Variants in CRK observed in about 807,000 individuals in gnomAD.
The protein encoded by CRK is CRK proto-oncogene, adaptor protein, also known as adapter molecule crk.
Under a neutral mutation model 29.8 loss-of-function variants are expected in CRK, and 4 were observed. The observed-to-expected ratio is 0.13, with a 90% confidence interval of 0.07 to 0.31. The LOEUF is 0.31. Ranked by LOEUF, CRK falls within the 10% of genes least tolerant of loss-of-function variation. The pLI is 1.00. For synonymous variants in CRK, 153 were observed against 164.9 expected, an observed-to-expected ratio of 0.93 and a Z score of 0.55; for missense variants, 274 against 396.5, an observed-to-expected ratio of 0.69 and a Z score of 2.62.
intron 1 of CRK, among the ~76,000 whole-genome samples, chr17:1,449,592 C>T (rs2074002589): frequency 2.0e-5 from 3 of 152,262 alleles, no homozygotes; most frequent in Admixed American, 2.0e-4. Context: ...TAAGGCCCAA[C>T]CCAGGATCCA....
chr17:1,427,912 C>T (rs1002831205), intron 2 of CRK, among the ~76,000 whole-genome samples: 5 of 151,668 alleles, frequency 3.3e-5, no homozygotes, highest in Non-Finnish European at 7.4e-5. Context: ...GAATTACAGG[C>T]ATCAGCCACC....
intron 1 of CRK, among the ~76,000 whole-genome samples, chr17:1,439,461 G>A (rs990914344): frequency 6.6e-6 from 1 of 152,092 alleles, no homozygotes; most frequent in Non-Finnish European, 1.5e-5. Context: ...ACCCAAAACA[G>A]CAAACTATTT....
Position 1,423,345 on chromosome 17 carries a change from G to GT in CRK, c.*167dup. 1 of 837,584 alleles carries GT rather than the reference G, an allele frequency of 1.2e-6. No individual in the cohort carries two copies. Among genetic ancestry groups the GT allele is most frequent in the Non-Finnish European group, 1.8e-6 (1 of 559,328 alleles). 51.9% of individuals were successfully genotyped at this position (837,584 alleles called of 1,614,324 possible). A position where few individuals can be genotyped will look rare whatever the true frequency, so the allele number is the denominator to read the frequency against. ...CCCTCCAGTTCGTACCCTGAATATG[G>GT]TAATTAAGACTAGGAATGGAGCAGT... On this transcript the variant is annotated 3_prime_UTR_variant, in exon 3 of 3. Coordinates refer to ENST00000300574, the MANE Select transcript of CRK (RefSeq NM_016823.4).
intron 2 of CRK, among the ~76,000 whole-genome samples, chr17:1,425,996 C>T (rs1304199948): frequency 6.6e-6 from 1 of 152,042 alleles, no homozygotes; most frequent in Non-Finnish European, 1.5e-5. Context: ...TTGAGAGCAG[C>T]CCTGGCAAAA....
intron 1 of CRK, among the ~76,000 whole-genome samples, chr17:1,439,280 A>C (rs1349951152): frequency 1.3e-5 from 2 of 151,888 alleles, no homozygotes; most frequent in African/African-American, 2.4e-5. Context: ...TGTATTTTTA[A>C]TAGAGACGGG....
chr17:1,435,466 G>A (rs1365065342), intron 2 of CRK, among the ~76,000 whole-genome samples: 2 of 60,354 alleles, frequency 3.3e-5, no homozygotes, highest in Non-Finnish European at 6.1e-5. Context: ...AAAGCAGAGA[G>A]GAAAAAAAAA....
At chr17:1,438,393 G>T (rs892395401) in intron 1 of CRK, among the ~76,000 whole-genome samples, 1 of 152,062 alleles carries the variant, frequency 6.6e-6, no homozygotes, top group African/African-American at 2.4e-5. Flanking sequence ...ACCTTCCAAA[G>T]TGTTGGGATT....
chr17:1,455,635 G>A (rs1027783179), intron 1 of CRK, among the ~76,000 whole-genome samples: 5 of 151,718 alleles, frequency 3.3e-5, no homozygotes, highest in African/African-American at 1.2e-4. Context: ...GGCCGAAGCA[G>A]TTCCCCTTCC....
At chr17:1,435,156 C>T (rs1379038935) in intron 2 of CRK, among the ~76,000 whole-genome samples, 6 of 152,066 alleles carry the variant, frequency 3.9e-5, no homozygotes, top group Non-Finnish European at 8.8e-5. Context: ...ACCTTTCAGG[C>T]TCAGGTGATC....
At position 1,456,012 on chromosome 17, in the gene CRK, G is replaced by A. The variant is rs1456932609; in HGVS notation, c.106C>T (p.Leu36=). 1.9e-6 allele frequency: 3 copies of A among 1,598,644 alleles called. No homozygotes were observed. Among genetic ancestry groups the A allele is most frequent in the South Asian group, 1.1e-5 (1 of 89,248 alleles). ...LLQGQRHGVF[L]VRDSSTSPGD... ...GGGCTGGTGCTCGAGTCCCGCACCA[G>A]GAACACCCCGTGCCGCTGGCCCTGC... The change falls in exon 1 of 3, where the codon CTG becomes TTG. Residue 36 remains leucine, a synonymous_variant. Transcript: ENST00000300574.
chr17:1,432,984 C>G (rs2073858166), intron 2 of CRK, among the ~76,000 whole-genome samples: 1 of 152,126 alleles, frequency 6.6e-6, no homozygotes, highest in South Asian at 2.1e-4. Flanking sequence ...ATCATGGAGT[C>G]ATTCATAAAG....
chr17:1,455,780 C>G (rs1210828261), intron 1 of CRK, 97 bp downstream of exon 1: 11 of 1,369,882 alleles, frequency 8.0e-6, no homozygotes, highest in Non-Finnish European at 1.0e-5. Context: ...CCTCTGCCCA[C>G]GACCCCCGAG....
At chr17:1,435,671 C>T (rs946573586) in intron 2 of CRK, among the ~76,000 whole-genome samples, 1 of 151,874 alleles carries the variant, frequency 6.6e-6, no homozygotes, top group African/African-American at 2.4e-5. Flanking sequence ...GTGCATGCCA[C>T]CACGCCTGGT....
At chr17:1,425,793 A>C (rs2073773607) in intron 2 of CRK, among the ~76,000 whole-genome samples, 1 of 152,194 alleles carries the variant, frequency 6.6e-6, no homozygotes, top group Admixed American at 6.6e-5. Flanking sequence ...ACTCTCTAAA[A>C]ATTACAGAGG....
chr17:1,446,072 C>G (rs1006794959), intron 1 of CRK, among the ~76,000 whole-genome samples: 2 of 152,096 alleles, frequency 1.3e-5, no homozygotes, highest in African/African-American at 4.8e-5. Context: ...CAGATATTAT[C>G]TTAATAAGCC....
intron 1 of CRK, among the ~76,000 whole-genome samples, chr17:1,455,272 C>T (rs983981154): frequency 2.6e-5 from 4 of 152,126 alleles, no homozygotes; most frequent in Non-Finnish European, 4.4e-5. Flanking sequence ...TCTTCTAGCA[C>T]TTAGTTCACC....
chr17:1,423,691 G>A, intron 2 of CRK, 41 bp from the exon 3 acceptor site: 1 of 1,609,582 alleles, frequency 6.2e-7, no homozygotes, highest in Non-Finnish European at 8.5e-7. Context: ...TTTCCAGGTA[G>A]GAATGCAAGC....
At position 1,420,727 on chromosome 17, in the gene CRK, C is replaced by T. The variant is rs2073715293; in HGVS notation, c.*2786G>A. On this transcript the variant is annotated 3_prime_UTR_variant, in exon 3 of 3. Transcript: ENST00000300574. ...AAAGATCACCAAGCCAAACATTTGG[C>T]CATATTTTTATTTACTACATATACT... 6.6e-6 allele frequency: 1 copy of T among 151,776 alleles called. No individual in the cohort carries two copies. Among genetic ancestry groups the T allele is most frequent in the African/African-American group, 2.4e-5 (1 of 41,336 alleles). The allele number at this position is 151,776 out of a possible 1,614,324, so 9.4% of individuals were successfully genotyped here.
intron 1 of CRK, among the ~76,000 whole-genome samples, chr17:1,455,651 G>A (rs2074050488): frequency 6.6e-6 from 1 of 151,702 alleles, no homozygotes; most frequent in African/African-American, 2.4e-5. Flanking sequence ...CTTCCCCGCG[G>A]CTGCCCTCCC....
Sources: allele counts gnomAD v4.1 joint callset (sites outside exome capture counted in the v4.1 genomes callset), GRCh38; gene constraint gnomAD v4.1.1; transcripts MANE v1.5; gene names NCBI Gene and HGNC (gene_info 2026-07-23, HGNC 2026-07-21).